The following OSBPL10 variants were observed in gnomAD, a reference collection of about 807,000 sequenced individuals.
OSBPL10 encodes oxysterol-binding protein-related protein 10.
A neutral mutation model predicts 81.7 loss-of-function variants in OSBPL10; 49 were observed. The ratio of observed to expected loss-of-function variants is 0.60; its 90% CI spans 0.48 to 0.76. The LOEUF is 0.76. Among genes scored for constraint, OSBPL10 ranks in the 30% least tolerant of loss-of-function variants. The pLI is 0.00. For missense variants in OSBPL10, 923 were observed against 987.8 expected (o/e 0.93, Z 0.88); for synonymous variants, 419 against 383.6 (o/e 1.09, Z -1.08).
chr3:31,741,566 A>G (rs1697352764), intron 5 of OSBPL10, among the ~76,000 whole-genome samples: 1 of 152,212 alleles, frequency 6.6e-6, no homozygotes. Flanking sequence ...CCCAGCCTCT[A>G]ACTGCTTTCT....
chr3:31,771,747 CAT>C (rs2125748027), intron 4 of OSBPL10, among the ~76,000 whole-genome samples: 1 of 152,280 alleles, frequency 6.6e-6, no homozygotes, highest in East Asian at 1.9e-4. Flanking sequence ...TACATGTCGA[CAT>C]ATAGCTTAGA....
chr3:31,799,659 AAATAAG>A (rs1486482882), intron 4 of OSBPL10, among the ~76,000 whole-genome samples: 1 of 152,176 alleles, frequency 6.6e-6, no homozygotes, highest in East Asian at 1.9e-4. Flanking sequence ...CTCCTTTAAC[AAATAAG>A]AAAATAAAGC....
intron 3 of OSBPL10, among the ~76,000 whole-genome samples, chr3:31,854,413 T>C (rs1217365770): frequency 6.6e-6 from 1 of 152,188 alleles, no homozygotes; most frequent in East Asian, 1.9e-4. Flanking sequence ...TCCTTTGTGG[T>C]TAGTCTCAGC....
intron 2 of OSBPL10, among the ~76,000 whole-genome samples, chr3:32,001,239 G>A (rs1366215427): frequency 6.6e-6 from 1 of 152,134 alleles, no homozygotes; most frequent in East Asian, 1.9e-4. Context: ...CATTCAGCCT[G>A]GATGTGTCCC....
intron 1 of OSBPL10, among the ~76,000 whole-genome samples, chr3:32,072,320 T>C (rs1020150563): frequency 2.0e-5 from 3 of 152,140 alleles, no homozygotes; most frequent in African/African-American, 7.2e-5. Context: ...CTCAGGGCAA[T>C]GCTTATGCTG....
At chr3:32,072,563 A>T (rs1241879638) in intron 1 of OSBPL10, among the ~76,000 whole-genome samples, 1 of 152,210 alleles carries the variant, frequency 6.6e-6, no homozygotes, top group Non-Finnish European at 1.5e-5. Context: ...ACAAGCTGCT[A>T]GCCCGCCTCT....
In OSBPL10 at chr3:31,715,081, CT is replaced by C. The variant is rs375972382; in HGVS notation, c.1096-12574del. On this transcript the variant is annotated intron_variant, in intron 6 of 11. Coordinates refer to ENST00000396556, the MANE Select transcript of OSBPL10 (RefSeq NM_017784.5). ...TTCCTCAATCTGACCCATACTTCCC[CT>C]CCCCTCCTAAACTTCCTCTAGCCTA... 6.3e-3 allele frequency among the ~76,000 whole-genome samples: 963 copies of C among 152,214 alleles called. 8 individuals are homozygous for C. The highest frequency in any genetic ancestry group is 0.022 in the African/African-American group (910 of 41,530).
chr3:31,719,664 T>A (rs1696573117), intron 6 of OSBPL10, among the ~76,000 whole-genome samples: 1 of 152,200 alleles, frequency 6.6e-6, no homozygotes, highest in Admixed American at 6.5e-5. Context: ...GTAATACTTA[T>A]CAAAATTTAA....
At chr3:31,735,177 G>A (rs1305756979) in intron 5 of OSBPL10, among the ~76,000 whole-genome samples, 2 of 152,238 alleles carry the variant, frequency 1.3e-5, no homozygotes, top group Admixed American at 1.3e-4. Flanking sequence ...GCTCCCACCT[G>A]TAATTCCAGC....
At chr3:31,701,237 T>A (rs1432527389) in intron 7 of OSBPL10, among the ~76,000 whole-genome samples, 1 of 152,150 alleles carries the variant, frequency 6.6e-6, no homozygotes, top group Admixed American at 6.5e-5. Context: ...GATTGTGGAA[T>A]CCAGAGCCTC....
intron 1 of OSBPL10, among the ~76,000 whole-genome samples, chr3:32,050,770 T>C (rs1307839733): frequency 2.6e-5 from 4 of 151,830 alleles, no homozygotes; most frequent in African/African-American, 9.7e-5. Flanking sequence ...CAAGTGATTC[T>C]CCTGCCTCAG....
intron 7 of OSBPL10, among the ~76,000 whole-genome samples, chr3:31,694,675 TAAC>T (rs1249327904): frequency 6.6e-6 from 1 of 152,216 alleles, no homozygotes; most frequent in Non-Finnish European, 1.5e-5. Flanking sequence ...CTTTGATTAG[TAAC>T]AACTTAAATA....
intron 4 of OSBPL10, among the ~76,000 whole-genome samples, chr3:31,798,328 G>A (rs937063855): frequency 1.3e-5 from 2 of 151,928 alleles, no homozygotes; most frequent in African/African-American, 4.8e-5. Flanking sequence ...TACTCAGGAA[G>A]CCGAGGCAGG....
At position 31,981,116 on chromosome 3, in the gene OSBPL10, T is replaced by C. The variant is rs1339542837; in HGVS notation, c.64A>G (p.Ser22Gly). The change falls in exon 1 of 12, where the codon AGC becomes GGC. Residue 22 changes from serine to glycine, a missense_variant. Ser to Gly is a moderately conservative substitution (Grantham distance 56). Around this residue, in one of 3 missense-constraint regions of OSBPL10, gnomAD observed 514 missense variants for 508.0 expected, o/e 1.01. Coordinates refer to ENST00000396556, the MANE Select transcript of OSBPL10 (RefSeq NM_017784.5). The surrounding 1 kb of genome is among the most constrained non-coding windows in gnomAD (Gnocchi z 4.5). Reference sequence around the variant, plus strand: ...GAGGAGCCCGCCGAGGTAGCACGGCTGCTGCTGCGGCTGCTGCTGTTGCTA... The same window carrying C: ...GAGGAGCCCGCCGAGGTAGCACGGCCGCTGCTGCGGCTGCTGCTGTTGCTA... ...GGSNSSSRSS[S>G]RATSAGSSPS... The C allele has an allele frequency of 2.7e-6, 4 of 1,492,686 alleles. No homozygotes were observed. The East Asian group carries it at 1.2e-4, about 44-fold the overall frequency. The allele number at this position is 1,492,686 out of a possible 1,614,324, so 92.5% of individuals were successfully genotyped here.
chr3:31,965,414 T>C (rs1698297955), intron 1 of OSBPL10, among the ~76,000 whole-genome samples: 1 of 111,728 alleles, frequency 9.0e-6, no homozygotes, highest in Non-Finnish European at 1.7e-5. Context: ...AAAATATATA[T>C]TATATATAAT....
chr3:31,993,164 C>T (rs1559545454), intron 2 of OSBPL10, among the ~76,000 whole-genome samples: 1 of 129,114 alleles, frequency 7.7e-6, no homozygotes, highest in East Asian at 2.3e-4. Flanking sequence ...GTAAGAAAAC[C>T]TTATTTTATT....
chr3:31,805,535 A>C (rs920779974), intron 4 of OSBPL10, among the ~76,000 whole-genome samples: 1 of 152,238 alleles, frequency 6.6e-6, no homozygotes, highest in Admixed American at 6.5e-5. Flanking sequence ...AATAATTTGA[A>C]ATGACTAGTA....
chr3:31,933,499 G>A (rs1277866924), intron 1 of OSBPL10, among the ~76,000 whole-genome samples: 1 of 151,788 alleles, frequency 6.6e-6, no homozygotes, highest in Non-Finnish European at 1.5e-5. Flanking sequence ...CGATCTCCTG[G>A]GCTCAAGCAA....
intron 1 of OSBPL10, among the ~76,000 whole-genome samples, chr3:31,893,804 CAGAG>C (rs1264385318): frequency 6.6e-6 from 1 of 152,210 alleles, no homozygotes; most frequent in Admixed American, 6.5e-5. Flanking sequence ...CAAAGGGAAA[CAGAG>C]AGACAAAAAG....
Sources: allele counts gnomAD v4.1 joint callset (sites outside exome capture counted in the v4.1 genomes callset), GRCh38; gene constraint gnomAD v4.1.1; regional missense constraint gnomAD v4.1.1; non-coding constraint Gnocchi (gnomAD v3.1); transcripts MANE v1.5; gene names NCBI Gene and HGNC (gene_info 2026-07-23, HGNC 2026-07-21).